The following SPOCK3 variants were observed in gnomAD, a reference collection of about 807,000 sequenced individuals.
The protein encoded by SPOCK3 is testican-3.
In SPOCK3, 30 loss-of-function variants were observed where a neutral mutation model predicts 56.6. The observed-to-expected ratio is 0.53, with a 90% confidence interval of 0.40 to 0.72. The LOEUF is 0.72. Ranked by LOEUF, SPOCK3 falls within the 30% of genes least tolerant of loss-of-function variation. The pLI is 0.00. For missense variants in SPOCK3, 527 were observed against 530.0 expected (o/e 0.99, Z 0.06); for synonymous variants, 196 against 183.3 (o/e 1.07, Z -0.56).
intron 3 of SPOCK3, chr4:167,011,141 C>A: frequency 5.9e-6 from 2 of 337,176 alleles, no homozygotes; most frequent in Non-Finnish European, 1.2e-5. Flanking sequence ...ATAAAAACCT[C>A]TTAAGGGTTC....
At chr4:167,045,214 C>T (rs1367132076) in intron 3 of SPOCK3, among the ~76,000 whole-genome samples, 3 of 151,986 alleles carry the variant, frequency 2.0e-5, no homozygotes, top group Admixed American at 6.6e-5. Context: ...ACTACTTCTG[C>T]TTATTTTTTA....
chr4:167,229,229 A>C (rs1275006769), intron 2 of SPOCK3, among the ~76,000 whole-genome samples: 1 of 152,108 alleles, frequency 6.6e-6, no homozygotes, highest in Non-Finnish European at 1.5e-5. Context: ...TAAATCTTTA[A>C]TTTTATTTTT....
At chr4:167,111,815 T>C (rs977284103) in intron 2 of SPOCK3, among the ~76,000 whole-genome samples, 1 of 151,748 alleles carries the variant, frequency 6.6e-6, no homozygotes, top group Non-Finnish European at 1.5e-5. Flanking sequence ...TGGAATGCAA[T>C]GACATAATCA....
At chr4:166,863,827 A>G (rs1378151068) in intron 6 of SPOCK3, among the ~76,000 whole-genome samples, 1 of 152,174 alleles carries the variant, frequency 6.6e-6, no homozygotes, top group Non-Finnish European at 1.5e-5. Flanking sequence ...CTCCTACACA[A>G]TAATAGTGAG....
intron 2 of SPOCK3, among the ~76,000 whole-genome samples, chr4:167,112,718 A>G (rs1355864213): frequency 6.6e-6 from 1 of 152,144 alleles, no homozygotes; most frequent in African/African-American, 2.4e-5. Context: ...TGAGGTTTGG[A>G]AGAAGCCTCA....
At chr4:167,091,661 C>T (rs901246676) in intron 2 of SPOCK3, among the ~76,000 whole-genome samples, 1 of 152,090 alleles carries the variant, frequency 6.6e-6, no homozygotes, top group Non-Finnish European at 1.5e-5. Flanking sequence ...AACAAATGTG[C>T]ATTCTAATGA....
At chr4:167,157,611 T>G (rs1161175988) in intron 2 of SPOCK3, among the ~76,000 whole-genome samples, 1 of 142,456 alleles carries the variant, frequency 7.0e-6, no homozygotes, top group Non-Finnish European at 1.5e-5. Flanking sequence ...ATAGGAAAGG[T>G]TTTTTTTAAA....
Position 167,032,254 on chromosome 4 carries a change from C to G in SPOCK3, c.235+30238G>C, listed in dbSNP as rs192716611. On this transcript the variant is annotated intron_variant, in intron 3 of 10. Coordinates refer to ENST00000357545, the MANE Select transcript of SPOCK3 (RefSeq NM_001040159.2). ...ACTTCTTACATATGATTTAATTCCT[C>G]AGTATAAAGATGCTCAGTTAATATC... 8.6e-5 allele frequency among the ~76,000 whole-genome samples: 13 copies of G among 151,908 alleles called. No individual in the cohort carries two copies. In the East Asian group the frequency reaches 2.5e-3, roughly 29 times the overall value.
intron 6 of SPOCK3, among the ~76,000 whole-genome samples, chr4:166,824,306 T>A (rs1745231832): frequency 6.6e-6 from 1 of 152,064 alleles, no homozygotes; most frequent in Non-Finnish European, 1.5e-5. Context: ...CACTTATAAC[T>A]AAAAAAGTAG....
At chr4:166,874,851 AG>A (rs1209013350) in intron 6 of SPOCK3, among the ~76,000 whole-genome samples, 2 of 152,202 alleles carry the variant, frequency 1.3e-5, no homozygotes, top group Non-Finnish European at 2.9e-5. Context: ...GAATTTTAAT[AG>A]TAACTCTTTT....
intron 6 of SPOCK3, among the ~76,000 whole-genome samples, chr4:166,845,822 C>T (rs1747997812): frequency 6.6e-6 from 1 of 152,144 alleles, no homozygotes. Flanking sequence ...AGTCACATGT[C>T]ACTTAATTAT....
rs75617799 is a variant in SPOCK3, at chr4:166,899,242, ATATCTATCTATCTATC to A, written c.475-10014_475-9999del. 7.2e-4 allele frequency among the ~76,000 whole-genome samples: 84 copies of A among 117,340 alleles called. 3 individuals are homozygous for A. Among genetic ancestry groups the A allele is most frequent in the African/African-American group, 2.0e-3 (63 of 32,078 alleles). The allele number at this position is 117,340 out of a possible 152,430, so 77.0% of individuals were successfully genotyped here. On this transcript the variant is annotated intron_variant, in intron 5 of 10. Transcript: ENST00000357545. ...CTCAATTCCTATAATAAATCTCCTCATATCTATCTATCTATCTATCTATCTATCTATCTATCTATCT... is the reference window on the plus strand; with the variant it reads ...CTCAATTCCTATAATAAATCTCCTCATATCTATCTATCTATCTATCTATCT...
chr4:167,100,405 G>GTCTCTCTCTCTCTC (rs374831916), intron 2 of SPOCK3, among the ~76,000 whole-genome samples: 1 of 148,516 alleles, frequency 6.7e-6, no homozygotes, highest in Middle Eastern at 3.5e-3. Context: ...GTCTGTCTCT[G>GTCTCTCTCTCTCTC]TCTCTCTCTC....
chr4:166,793,102 A>G (rs1354291247), intron 6 of SPOCK3, among the ~76,000 whole-genome samples: 1 of 152,160 alleles, frequency 6.6e-6, no homozygotes, highest in Non-Finnish European at 1.5e-5. Flanking sequence ...ACTAATTTAC[A>G]TTGTTTAGAG....
intron 6 of SPOCK3, among the ~76,000 whole-genome samples, chr4:166,848,469 A>T (rs1375690573): frequency 6.6e-6 from 1 of 152,170 alleles, no homozygotes; most frequent in East Asian, 1.9e-4. Context: ...AATGTAGAGA[A>T]ATGGTCAATA....
intron 4 of SPOCK3, among the ~76,000 whole-genome samples, chr4:166,929,812 A>G (rs1481962279): frequency 6.6e-6 from 1 of 152,204 alleles, no homozygotes; most frequent in Non-Finnish European, 1.5e-5. Context: ...TTATTAGTCT[A>G]AGATATGTAA....
chr4:166,746,495 G>A (rs915208851), intron 8 of SPOCK3, among the ~76,000 whole-genome samples: 4 of 152,060 alleles, frequency 2.6e-5, no homozygotes, highest in Non-Finnish European at 5.9e-5. Flanking sequence ...GTGTGGAGAG[G>A]GAAATTTATA....
intron 2 of SPOCK3, among the ~76,000 whole-genome samples, chr4:167,093,109 C>G (rs1255290852): frequency 6.6e-6 from 1 of 152,036 alleles, no homozygotes. Context: ...TTAATTCTTG[C>G]AACTTGGAGA....
chr4:167,023,954 G>A (rs1262160680), intron 3 of SPOCK3, among the ~76,000 whole-genome samples: 2 of 151,972 alleles, frequency 1.3e-5, no homozygotes, highest in Non-Finnish European at 2.9e-5. Flanking sequence ...GTGGGCAGAG[G>A]CAGAAAGAAG....
Sources: allele counts gnomAD v4.1 joint callset (sites outside exome capture counted in the v4.1 genomes callset), GRCh38; gene constraint gnomAD v4.1.1; transcripts MANE v1.5; gene names NCBI Gene and HGNC (gene_info 2026-07-23, HGNC 2026-07-21).